Variants in AP3M1 observed in about 807,000 individuals in gnomAD.
The protein encoded by AP3M1 is adaptor related protein complex 3 subunit mu 1, also known as AP-3 complex subunit mu-1.
AP3M1 carries 29 observed loss-of-function variants against 42.6 expected under a neutral mutation model. The observed-to-expected ratio is 0.68, with a 90% CI of 0.51 to 0.93. The LOEUF is 0.93. Ranked by LOEUF, AP3M1 falls within the 40% of genes least tolerant of loss-of-function variation. The probability of loss-of-function intolerance (pLI) is 0.00; values close to 1 mark genes in which losing one functional copy is unlikely to be tolerated. For missense variants in AP3M1, 416 were observed against 510.2 expected, an observed-to-expected ratio of 0.82 and a Z score of 1.78; for synonymous variants, 178 against 175.3, an observed-to-expected ratio of 1.02 and a Z score of -0.12.
intron 1 of AP3M1, among the ~76,000 whole-genome samples, chr10:74,139,548 G>A (rs1218343135): frequency 2.6e-5 from 4 of 151,636 alleles, no homozygotes; most frequent in Non-Finnish European, 5.9e-5. Flanking sequence ...TGGGGAGGCC[G>A]AGGCAGGTGG....
intron 2 of AP3M1, 87 bp from the exon 3 acceptor site, chr10:74,136,890 A>G: frequency 1.1e-6 from 1 of 899,766 alleles, no homozygotes; most frequent in Non-Finnish European, 1.6e-6. Context: ...ATAAACTTAG[A>G]GTAGCATAAT....
Position 74,123,799 on chromosome 10 carries a change from T to C in AP3M1, c.*11A>G, listed in dbSNP as rs377517231. 31 of 1,608,008 alleles carry C rather than the reference T, an allele frequency of 1.9e-5. No individual in the cohort carries two copies. The highest frequency in any genetic ancestry group is 6.7e-5 in the Admixed American group (4 of 59,970). ...GAAAACAAACTGGTCCTGAGGAATTTTGGCCTCTTCTCATGTCCTCACTTG... is the reference window on the plus strand; with the variant it reads ...GAAAACAAACTGGTCCTGAGGAATTCTGGCCTCTTCTCATGTCCTCACTTG... On this transcript the variant is annotated 3_prime_UTR_variant, in exon 9 of 9. Coordinates refer to ENST00000355264, the MANE Select transcript of AP3M1 (RefSeq NM_012095.6).
At chr10:74,149,382 C>T (rs1477917116) in intron 1 of AP3M1, among the ~76,000 whole-genome samples, 1 of 128,784 alleles carries the variant, frequency 7.8e-6, no homozygotes, top group South Asian at 2.6e-4. Context: ...TTCCGCCTCC[C>T]GGGTTCAAGG....
At chr10:74,145,576 T>C (rs943548506) in intron 1 of AP3M1, among the ~76,000 whole-genome samples, 2 of 152,198 alleles carry the variant, frequency 1.3e-5, no homozygotes, top group African/African-American at 4.8e-5. Context: ...GCTGCAGTTA[T>C]TTTTTTAATT....
At chr10:74,139,463 AAC>A (rs201262462) in intron 1 of AP3M1, among the ~76,000 whole-genome samples, 101 of 139,098 alleles carry the variant, frequency 7.3e-4, no homozygotes, top group African/African-American at 2.6e-3. Context: ...AAAAAAAAAA[AAC>A]AAAACAAAAC....
intron 6 of AP3M1, 26 bp from the exon 7 acceptor site, chr10:74,126,381 CA>C (rs1219927525): frequency 6.3e-7 from 1 of 1,588,754 alleles, no homozygotes. Context: ...GAGAAAGATA[CA>C]AAAGCACAAA....
intron 1 of AP3M1, among the ~76,000 whole-genome samples, chr10:74,145,093 A>G (rs985848759): frequency 6.6e-6 from 1 of 152,220 alleles, no homozygotes; most frequent in African/African-American, 2.4e-5. Context: ...AAGCACCGAC[A>G]CAGGTTATCT....
intron 3 of AP3M1, among the ~76,000 whole-genome samples, chr10:74,134,850 G>C (rs1182254141): frequency 6.6e-6 from 1 of 152,068 alleles, no homozygotes; most frequent in African/African-American, 2.4e-5. Context: ...GTGGTTTAAA[G>C]AAAAACACCT....
At chr10:74,133,749 G>C (rs1840854073) in intron 4 of AP3M1, among the ~76,000 whole-genome samples, 1 of 151,254 alleles carries the variant, frequency 6.6e-6, no homozygotes, top group African/African-American at 2.4e-5. Flanking sequence ...CTGCCTCCTG[G>C]GTTCAAGCAA....
intron 3 of AP3M1, 67 bp from the exon 4 acceptor site, chr10:74,134,231 GA>G (rs199587398): frequency 9.9e-5 from 146 of 1,480,682 alleles, no homozygotes; most frequent in East Asian, 5.4e-4. Context: ...TTATTACTAG[GA>G]AAAAAAAAGC....
chr10:74,138,576 C>T (rs750897558), intron 1 of AP3M1, among the ~76,000 whole-genome samples, 194 bp from the exon 2 acceptor site: 17 of 111,272 alleles, frequency 1.5e-4, no homozygotes, highest in Non-Finnish European at 2.7e-4. Context: ...TTGCATTTGA[C>T]AAAATCCAAC....
intron 3 of AP3M1, among the ~76,000 whole-genome samples, chr10:74,135,079 G>A (rs1364393922): frequency 1.3e-5 from 2 of 152,002 alleles, no homozygotes; most frequent in Non-Finnish European, 2.9e-5. Context: ...ACTTATGATT[G>A]GTGTTCCTAC....
rs1840473877 is a variant in AP3M1, at chr10:74,121,893, T to C, written c.*1917A>G. On this transcript the variant is annotated 3_prime_UTR_variant, in exon 9 of 9. Coordinates refer to ENST00000355264, the MANE Select transcript of AP3M1 (RefSeq NM_012095.6). ...TTCTACTTGGACATTTTAGTAGAAA[T>C]TGCTAGAGGGAAGGAGCTCCTGGCG... 2.0e-5 allele frequency: 3 copies of C among 152,112 alleles called. No individual in the cohort carries two copies. Among genetic ancestry groups the C allele is most frequent in the Admixed American group, 2.0e-4 (3 of 15,280 alleles). 9.4% of individuals were successfully genotyped at this position (152,112 alleles called of 1,614,324 possible).
At chr10:74,127,481 TAA>T (rs1054342149) in intron 6 of AP3M1, among the ~76,000 whole-genome samples, 1 of 141,866 alleles carries the variant, frequency 7.0e-6, no homozygotes, top group African/African-American at 2.6e-5. Flanking sequence ...CCCTCTCTAA[TAA>T]AAAAAAAAAA....
chr10:74,138,229 T>G lies in AP3M1; in HGVS notation c.151A>C (p.Thr51Pro), dbSNP rs775092470. The G allele has an allele frequency of 6.2e-7, 1 of 1,614,078 alleles. No homozygotes were observed. Among genetic ancestry groups the G allele is most frequent in the Non-Finnish European group, 8.5e-7 (1 of 1,179,986 alleles). ...ATACTGATGAGGTAGTGGTGAGGTG[T>G]TGAAATGACAGGTGGTACATTTTCA... ...DVENVPPVIS[T>P]PHHYLISIYR... is the part of the protein sequence containing the mutation. Residue 51 changes from threonine to proline, a missense_variant, in exon 2 of 9, where the codon ACA becomes CCA. Physicochemically the swap from Thr to Pro is conservative, Grantham distance 38. Coordinates refer to ENST00000355264, the MANE Select transcript of AP3M1 (RefSeq NM_012095.6).
intron 1 of AP3M1, among the ~76,000 whole-genome samples, chr10:74,148,292 G>A (rs1841391979): frequency 6.6e-6 from 1 of 152,168 alleles, no homozygotes; most frequent in Non-Finnish European, 1.5e-5. Flanking sequence ...GGATGCTACT[G>A]AGAGACTAGG....
chr10:74,148,439 G>A (rs1208232276), intron 1 of AP3M1, among the ~76,000 whole-genome samples: 7 of 152,212 alleles, frequency 4.6e-5, no homozygotes, highest in Non-Finnish European at 1.0e-4. Context: ...TCCAAAGGGA[G>A]AGAGAAGTCC....
At chr10:74,138,515 CA>C in intron 1 of AP3M1, 133 bp from the exon 2 acceptor site, 1 of 621,412 alleles carries the variant, frequency 1.6e-6, no homozygotes, top group Non-Finnish European at 2.5e-6. Flanking sequence ...AAAAATCAAT[CA>C]ACATGATATA....
At chr10:74,133,981 C>T in intron 4 of AP3M1, 46 bp downstream of exon 4, 1 of 1,606,586 alleles carries the variant, frequency 6.2e-7, no homozygotes, top group Non-Finnish European at 8.5e-7. Context: ...TCATCTGTGT[C>T]AGATGAATTG....
Sources: gnomAD v4.1 joint callset for allele counts (sites outside exome capture counted in the v4.1 genomes callset) on GRCh38, gnomAD v4.1.1 for gene constraint, MANE v1.5 for transcripts, NCBI Gene and HGNC (gene_info 2026-07-23, HGNC 2026-07-21) for gene names.